Variants in FOLR3 observed in about 807,000 individuals in gnomAD.
The protein encoded by FOLR3 is folate receptor 3 (gamma).
In FOLR3, 9 loss-of-function variants were observed where a neutral mutation model predicts 20.0. That is an observed-to-expected ratio of 0.45 (90% CI 0.27 to 0.79). The LOEUF (loss-of-function observed/expected upper bound fraction) is 0.79, where lower values mean the gene tolerates loss of function less well. Ranked by LOEUF, FOLR3 falls within the 30% of genes least tolerant of loss-of-function variation. FOLR3 has a pLI of 0.15. For synonymous variants in FOLR3, 124 were observed against 115.5 expected (o/e 1.07, Z -0.47); for missense variants, 309 against 323.5 (o/e 0.96, Z 0.34).
At chr11:72,139,320 G>A (rs778259036) in intron 3 of FOLR3, 27 bp from the exon 4 acceptor site, 1 of 1,607,612 alleles carries the variant, frequency 6.2e-7, no homozygotes. Context: ...GTGGCTGACA[G>A]GAGTATTCTG....
chr11:72,136,894 C>A (rs1947748598), intron 2 of FOLR3, among the ~76,000 whole-genome samples: 1 of 152,222 alleles, frequency 6.6e-6, no homozygotes, highest in Admixed American at 6.5e-5. Context: ...TTGACCCTGA[C>A]AGGCAGGACC....
At chr11:72,137,367 AG>A (rs1319627919) in intron 2 of FOLR3, among the ~76,000 whole-genome samples, 2 of 151,872 alleles carry the variant, frequency 1.3e-5, no homozygotes, top group Non-Finnish European at 2.9e-5. Context: ...CACCACTCTC[AG>A]GATCTATCTA....
intron 3 of FOLR3, 66 bp downstream of exon 3, chr11:72,139,215 G>C (rs1057058448): frequency 1.3e-6 from 2 of 1,565,790 alleles, no homozygotes; most frequent in Admixed American, 3.6e-5. Context: ...TGCTGGCAGG[G>C]AGGGCTTGGT....
Position 72,136,088 on chromosome 11 carries a change from C to G in FOLR3, c.136C>G (p.Gln46Glu), listed in dbSNP as rs761434614. 3.1e-6 allele frequency: 5 copies of G among 1,614,094 alleles called. No individual in the cohort carries two copies. Among genetic ancestry groups the G allele is most frequent in the Non-Finnish European group, 4.2e-6 (5 of 1,179,952 alleles). ...CATGAACGCCAAGCACCACAAGACA[C>G]AGCCCAGCCCCGAGGACGAGCTGTA... is the stretch of plus-strand genomic sequence containing the variant. ...VCMNAKHHKT[Q>E]PSPEDELYGQ... Residue 46 changes from glutamine (Q) to glutamate (E), a missense_variant, in exon 2 of 5, where the codon CAG (glutamine) becomes GAG (glutamate). Gln to Glu is a conservative substitution (Grantham distance 29). Transcript: ENST00000611028.
intron 2 of FOLR3, among the ~76,000 whole-genome samples, chr11:72,136,365 C>T (rs888573173): frequency 6.6e-6 from 1 of 152,082 alleles, no homozygotes; most frequent in Non-Finnish European, 1.5e-5. Context: ...CTGCTCCCTA[C>T]AAGGTTTCAC....
At chr11:72,138,792 A>G in intron 2 of FOLR3, 169 bp from the exon 3 acceptor site, 1 of 714,268 alleles carries the variant, frequency 1.4e-6, no homozygotes, top group Non-Finnish European at 2.4e-6. Context: ...ATGAATAAAT[A>G]GGGCGGAAAG....
In FOLR3 at chr11:72,139,383, G is replaced by A. The variant is rs551080007; in HGVS notation, c.394G>A (p.Val132Met). ...QSWRKERILN[V>M]PLCKEDCERW... ...CTGGCGCAAAGAGCGCATTCTGAAC[G>A]TGCCCCTGTGCAAAGAGGACTGTGA... Residue 132 changes from valine to methionine, a missense_variant, in exon 4 of 5, where the codon GTG becomes ATG. Coordinates refer to ENST00000611028, the MANE Select transcript of FOLR3 (RefSeq NM_000804.4). The A allele has an allele frequency of 9.9e-6, 16 of 1,611,870 alleles. No homozygotes were observed. Among genetic ancestry groups the A allele is most frequent in the East Asian group, 6.7e-5 (3 of 44,796 alleles).
chr11:72,138,600 C>A (rs1947769807), intron 2 of FOLR3, among the ~76,000 whole-genome samples: 1 of 151,880 alleles, frequency 6.6e-6, no homozygotes, highest in Non-Finnish European at 1.5e-5. Context: ...TAGTGAGACC[C>A]CATCTCTACA....
At chr11:72,139,529 G>A (rs770189425) in intron 4 of FOLR3, 47 bp downstream of exon 4, 3 of 1,612,776 alleles carry the variant, frequency 1.9e-6, no homozygotes, top group Non-Finnish European at 2.5e-6. Flanking sequence ...GGGGCTTTGG[G>A]GTTGGGAGGG....
At chr11:72,139,308 A>G (rs1192741724) in intron 3 of FOLR3, 39 bp from the exon 4 acceptor site, 6 of 1,601,116 alleles carry the variant, frequency 3.7e-6, no homozygotes, top group Non-Finnish European at 8.5e-7. Flanking sequence ...CTGCTGAGAT[A>G]CGTGGCTGAC....
intron 3 of FOLR3, 38 bp from the exon 4 acceptor site, chr11:72,139,309 C>G (rs758777733): frequency 1.9e-6 from 3 of 1,600,788 alleles, no homozygotes; most frequent in African/African-American, 1.3e-5. Context: ...TGCTGAGATA[C>G]GTGGCTGACA....
chr11:72,137,957 G>A (rs1311250591), intron 2 of FOLR3, among the ~76,000 whole-genome samples: 1 of 152,100 alleles, frequency 6.6e-6, no homozygotes, highest in Non-Finnish European at 1.5e-5. Flanking sequence ...TGAGGGTAGA[G>A]GTGTTATTTG....
intron 2 of FOLR3, among the ~76,000 whole-genome samples, chr11:72,137,184 A>T (rs1468697053): frequency 6.6e-6 from 1 of 152,080 alleles, no homozygotes. Context: ...TATGCAATTG[A>T]TTCATGATTT....
rs762546336 is a variant in FOLR3 at position 72,139,637 on chromosome 11, T to C, written c.544T>C (p.Phe182Leu). The change falls in exon 5 of 5, where the codon TTC becomes CTC. Residue 182 changes from phenylalanine (F) to leucine (L), a missense_variant. By Grantham distance (22) the Phe-to-Leu change is conservative. Coordinates refer to ENST00000611028, the MANE Select transcript of FOLR3 (RefSeq NM_000804.4). Reference sequence around the variant, plus strand: ...CCTCTGCAGCACCTTTGAGTCCTACTTCCCCACTCCAGCCGCCCTTTGTGA... The same window carrying C: ...CCTCTGCAGCACCTTTGAGTCCTACCTCCCCACTCCAGCCGCCCTTTGTGA... ...GALCSTFESYFPTPAALCEGL... is the reference protein window; with the variant it reads ...GALCSTFESYLPTPAALCEGL... The C allele has an allele frequency of 6.2e-7, 1 of 1,613,602 alleles. No homozygotes were observed. The highest frequency in any genetic ancestry group is 2.2e-5 in the East Asian group (1 of 44,870).
intron 2 of FOLR3, among the ~76,000 whole-genome samples, chr11:72,137,740 C>T (rs926609999): frequency 1.3e-5 from 2 of 152,030 alleles, no homozygotes; most frequent in African/African-American, 4.8e-5. Context: ...GTGATCCGCC[C>T]GCCTCCTTAA....
At position 72,139,601 on chromosome 11, in the gene FOLR3, C is replaced by G; in HGVS notation, c.508C>G (p.Pro170Ala). The G allele has an allele frequency of 6.2e-7, 1 of 1,613,784 alleles. No homozygotes were observed. Among genetic ancestry groups the G allele is most frequent in the African/African-American group, 1.3e-5 (1 of 75,002 alleles). The change falls in exon 5 of 5, where the codon CCG (proline) becomes GCG (alanine). Residue 170 changes from proline to alanine, a missense_variant. Pro to Ala is a conservative substitution (Grantham distance 27, BLOSUM62 -1). Transcript: ENST00000611028. ...WNWTSGINECPAGALCSTFES... is the reference protein window; with the variant it reads ...WNWTSGINECAAGALCSTFES... ...TCCTCCCTCAGGGATTAATGAGTGT[C>G]CGGCCGGGGCCCTCTGCAGCACCTT...
At chr11:72,136,378 T>A (rs1947742800) in intron 2 of FOLR3, among the ~76,000 whole-genome samples, 1 of 152,036 alleles carries the variant, frequency 6.6e-6, no homozygotes, top group Non-Finnish European at 1.5e-5. Context: ...GGTTTCACAT[T>A]CCCAGAGGGC....
chr11:72,138,839 G>A (rs1240530649), intron 2 of FOLR3, 122 bp from the exon 3 acceptor site: 6 of 1,153,970 alleles, frequency 5.2e-6, no homozygotes, highest in Middle Eastern at 1.9e-4. Context: ...CCAGGTGGGA[G>A]CTCCTCAAGG....
chr11:72,136,344 G>T (rs1301589950), intron 2 of FOLR3, among the ~76,000 whole-genome samples: 3 of 151,954 alleles, frequency 2.0e-5, no homozygotes, highest in Non-Finnish European at 4.4e-5. Context: ...TCATTCCTCT[G>T]GTCTCCTGGC....
Sources: allele counts gnomAD v4.1 joint callset (sites outside exome capture counted in the v4.1 genomes callset), GRCh38; gene constraint gnomAD v4.1.1; transcripts MANE v1.5; gene names NCBI Gene and HGNC (gene_info 2026-07-23, HGNC 2026-07-21).